GRID2: variants seen among roughly 807,000 people sequenced by gnomAD.
The protein encoded by GRID2 is glutamate ionotropic receptor delta type subunit 2.
Under a neutral mutation model 114.8 loss-of-function variants are expected in GRID2, and 33 were observed. The observed-to-expected ratio is 0.29, with a 90% CI of 0.22 to 0.38. The LOEUF (loss-of-function observed/expected upper bound fraction) is 0.38. Ranked by LOEUF, GRID2 falls within the 10% of genes least tolerant of loss-of-function variation. GRID2 has a pLI of 1.00. For missense variants in GRID2, 1,184 were observed against 1,257.7 expected (o/e 0.94, Z 0.89); for synonymous variants, 505 against 449.9 (o/e 1.12, Z -1.55).
chr4:92,926,319 A>C (rs1227822415), intron 2 of GRID2, among the ~76,000 whole-genome samples: 1 of 152,000 alleles, frequency 6.6e-6, no homozygotes, highest in East Asian at 1.9e-4. Context: ...CTAAGATGTT[A>C]AGTCACATGT....
At chr4:93,591,636 A>G (rs1274067072) in intron 13 of GRID2, among the ~76,000 whole-genome samples, 1 of 151,858 alleles carries the variant, frequency 6.6e-6, no homozygotes, top group Non-Finnish European at 1.5e-5. Flanking sequence ...GAATGGTACC[A>G]GTTCCTCCTT....
chr4:93,266,032 G>A (rs777626749), intron 8 of GRID2, among the ~76,000 whole-genome samples: 1 of 152,170 alleles, frequency 6.6e-6, no homozygotes, highest in South Asian at 2.1e-4. Flanking sequence ...GACTCTAATA[G>A]GACACTATTC....
chr4:93,800,681 T>C (rs1734910551), intron 1 of GRID2, among the ~76,000 whole-genome samples: 1 of 152,234 alleles, frequency 6.6e-6, no homozygotes, highest in African/African-American at 2.4e-5. Context: ...GTAACCTGGA[T>C]ACATATAGAA....
At chr4:93,445,704 T>G (rs1449520758) in intron 10 of GRID2, among the ~76,000 whole-genome samples, 1 of 152,032 alleles carries the variant, frequency 6.6e-6, no homozygotes, top group Non-Finnish European at 1.5e-5. Flanking sequence ...TATAAGTACT[T>G]GAAAATAATA....
At chr4:93,568,245 T>A (rs963507857) in intron 13 of GRID2, among the ~76,000 whole-genome samples, 3 of 152,192 alleles carry the variant, frequency 2.0e-5, no homozygotes, top group African/African-American at 7.2e-5. Context: ...TTAAGAGTCT[T>A]ATCTGCTTCA....
chr4:92,453,059 T>G lies in GRID2; in HGVS notation c.89-137072T>G, dbSNP rs539436352. On this transcript the variant is annotated intron_variant, in intron 1 of 15. Coordinates refer to ENST00000282020, the MANE Select transcript of GRID2 (RefSeq NM_001510.4). ...TGTGGCATTTGTGTGGGTGTGTGTG[T>G]GGGGGTGTATACATGCATTAAATCA... Among the ~76,000 whole-genome samples the G allele has an allele frequency of 1.6e-4, 24 of 151,750 alleles. No individual in the cohort carries two copies. In the East Asian group the frequency reaches 1.8e-3, roughly 11 times the overall value.
chr4:92,315,992 G>GCAAAAAAAAAAAAAAAAAAAAA (rs1579166924), intron 1 of GRID2, among the ~76,000 whole-genome samples: 1 of 31,362 alleles, frequency 3.2e-5, no homozygotes, highest in South Asian at 7.9e-4. Flanking sequence ...AAAACAAAAA[G>GCAAAAAAAAAAAAAAAAAAAAA]CAAAAAAAAA....
chr4:92,901,823 T>G (rs188269561), intron 2 of GRID2, among the ~76,000 whole-genome samples: 73 of 149,634 alleles, frequency 4.9e-4, no homozygotes, highest in Admixed American at 2.3e-3. Flanking sequence ...TATTATCTTT[T>G]TGTGTGTGTG....
intron 2 of GRID2, among the ~76,000 whole-genome samples, chr4:92,962,329 G>A (rs1375225541): frequency 2.0e-5 from 3 of 151,672 alleles, no homozygotes; most frequent in African/African-American, 7.3e-5. Context: ...CTTAATCATA[G>A]GTCTGGTCCT....
At chr4:92,595,997 T>C in intron 2 of GRID2, among the ~76,000 whole-genome samples, 1 of 152,168 alleles carries the variant, frequency 6.6e-6, no homozygotes, top group African/African-American at 2.4e-5. Flanking sequence ...ACATTTTTAC[T>C]GTGATTAAAA....
At chr4:93,046,894 A>G (rs1330392122) in intron 2 of GRID2, among the ~76,000 whole-genome samples, 2 of 151,866 alleles carry the variant, frequency 1.3e-5, no homozygotes, top group African/African-American at 4.8e-5. Context: ...CCCAAGCAGA[A>G]GAATCCCAAA....
At chr4:93,809,832 C>A (rs539973884) in exon 2 of GRID2, 1 of 152,202 alleles carries the variant, frequency 6.6e-6, no homozygotes, top group East Asian at 1.9e-4. Flanking sequence ...AAAACATTAG[C>A]AATTAAAAAC....
intron 11 of GRID2, among the ~76,000 whole-genome samples, chr4:93,464,778 T>C (rs11726975): frequency 6.6e-6 from 1 of 152,196 alleles, no homozygotes; most frequent in African/African-American, 2.4e-5. Flanking sequence ...ATTTTGACTG[T>C]GCCCAAAATT....
chr4:92,620,672 C>G (rs1243407925), intron 2 of GRID2, among the ~76,000 whole-genome samples: 1 of 151,350 alleles, frequency 6.6e-6, no homozygotes, highest in East Asian at 2.0e-4. Flanking sequence ...CCTTACATAA[C>G]ACTTTGCATA....
In GRID2 at chr4:93,103,275, T is replaced by C. The variant is rs147721444; in HGVS notation, c.530-7473T>C. Among the ~76,000 whole-genome samples, 752 of 152,144 alleles carry C rather than the reference T, an allele frequency of 4.9e-3. 7 individuals carry two copies. The highest frequency in any genetic ancestry group is 0.017 in the African/African-American group (713 of 41,540). On this transcript the variant is annotated intron_variant, in intron 3 of 15. Coordinates refer to ENST00000282020, the MANE Select transcript of GRID2 (RefSeq NM_001510.4). ...TCGTAGCCTCCCTCTGCTGGCTCTTTCTTGTTCCCTTCCCTTGGGGCACAG... is the reference window on the plus strand; with the variant it reads ...TCGTAGCCTCCCTCTGCTGGCTCTTCCTTGTTCCCTTCCCTTGGGGCACAG...
At chr4:93,401,761 C>T (rs925317114) in intron 9 of GRID2, among the ~76,000 whole-genome samples, 2 of 152,090 alleles carry the variant, frequency 1.3e-5, no homozygotes, top group African/African-American at 4.8e-5. Flanking sequence ...TACCACAAAG[C>T]AATATCCAAA....
At position 92,701,114 on chromosome 4, in the gene GRID2, GGT is replaced by G. The variant is rs1734657508; in HGVS notation, c.244+110830_244+110831del. On this transcript the variant is annotated intron_variant, in intron 2 of 15. Coordinates refer to ENST00000282020, the MANE Select transcript of GRID2 (RefSeq NM_001510.4). ...CATTTACCAGATTTAACCTTGGGGA[GGT>G]GAATTAACCTTCCTTATCGTAGACT... is the stretch of plus-strand genomic sequence containing the variant. 2.0e-5 allele frequency among the ~76,000 whole-genome samples: 3 copies of G among 152,114 alleles called. No individual in the cohort carries two copies. The South Asian group carries it at 6.2e-4, about 32-fold the overall frequency.
At chr4:92,803,326 ATAT>A (rs1740262087) in intron 2 of GRID2, among the ~76,000 whole-genome samples, 1 of 151,988 alleles carries the variant, frequency 6.6e-6, no homozygotes, top group Admixed American at 6.6e-5. Context: ...TCCCCATTAG[ATAT>A]TATACAATGC....
chr4:93,436,207 T>G lies in GRID2; in HGVS notation c.1545+13239T>G, dbSNP rs757725191. On this transcript the variant is annotated intron_variant, in intron 10 of 15. Transcript: ENST00000282020. ...GCTCCATCTCTCAGCTGTGATTTTT[T>G]TGTGTGTGTGTTGCCCCAGTTCTCA... Among the ~76,000 whole-genome samples, 81 of 152,126 alleles carry G rather than the reference T, an allele frequency of 5.3e-4. 1 individual carries two copies. The highest frequency in any genetic ancestry group is 8.3e-4 in the South Asian group (4 of 4,834).
Sources: gnomAD v4.1 joint callset for allele counts (sites outside exome capture counted in the v4.1 genomes callset) on GRCh38, gnomAD v4.1.1 for gene constraint, MANE v1.5 for transcripts, NCBI Gene and HGNC (gene_info 2026-07-23, HGNC 2026-07-21) for gene names.